VWA8: variants seen among roughly 807,000 people sequenced by gnomAD.
The protein encoded by VWA8 is von Willebrand factor A domain-containing protein 8.
Under a neutral mutation model 241.5 loss-of-function variants are expected in VWA8, and 221 were observed. The ratio of observed to expected loss-of-function variants is 0.91; its 90% CI spans 0.82 to 1.02. VWA8 has a LOEUF of 1.02. VWA8 is among the 50% of genes least tolerant of loss of function. VWA8 has a pLI of 0.00. For synonymous variants in VWA8, 852 were observed against 827.1 expected, an observed-to-expected ratio of 1.03 and a Z score of -0.52; for missense variants, 2,322 against 2,328.7, an observed-to-expected ratio of 1.00 and a Z score of 0.06.
chr13:41,590,605 T>C (rs1593635597), intron 41 of VWA8, 35 bp downstream of exon 41: 2 of 1,611,892 alleles, frequency 1.2e-6, no homozygotes, highest in African/African-American at 2.7e-5. Context: ...GGCTAGACTA[T>C]GCAGAGCTGA....
chr13:41,590,861 C>A, intron 40 of VWA8, 96 bp from the exon 41 acceptor site: 1 of 1,492,720 alleles, frequency 6.7e-7, no homozygotes, highest in East Asian at 2.3e-5. Flanking sequence ...CACCTGGGAT[C>A]TTTTCAGTAA....
intron 35 of VWA8, among the ~76,000 whole-genome samples, chr13:41,680,058 T>C (rs1217453037): frequency 6.6e-6 from 1 of 151,984 alleles, no homozygotes; most frequent in Non-Finnish European, 1.5e-5. Flanking sequence ...CCCCCAAACA[T>C]TCATATAATT....
chr13:41,943,262 C>A (rs1016614220), intron 2 of VWA8, among the ~76,000 whole-genome samples: 3 of 152,032 alleles, frequency 2.0e-5, no homozygotes, highest in African/African-American at 7.2e-5. Context: ...TTTCCAGTAT[C>A]AAGAACAAAA....
At chr13:41,730,535 G>A (rs909395866) in intron 22 of VWA8, among the ~76,000 whole-genome samples, 2 of 152,088 alleles carry the variant, frequency 1.3e-5, no homozygotes, top group Admixed American at 6.6e-5. Context: ...TGAAGGTTTT[G>A]TAGGGACAGA....
rs1593752601 is a variant in VWA8, at chr13:41,761,143, T to C, written c.2411A>G (p.Tyr804Cys). Residue 804 changes from tyrosine (Y) to cysteine (C), a missense_variant, in exon 21 of 45, where the codon TAT becomes TGT. By Grantham distance (194) the Tyr-to-Cys change is radical. Coordinates refer to ENST00000379310, the MANE Select transcript of VWA8 (RefSeq NM_015058.2). ...ATAGTCTTACCTGTGTAGCTGAATA[T>C]ATTCTCGGGGTCTGTTGAGCAGGTG... Reference protein sequence around the residue: ...FLHLLNRPREYIQLHRDTTVQ... With the variant: ...FLHLLNRPRECIQLHRDTTVQ... 1 of 1,611,770 alleles carries C rather than the reference T, an allele frequency of 6.2e-7. No homozygotes were observed. Among genetic ancestry groups the C allele is most frequent in the African/African-American group, 1.3e-5 (1 of 74,890 alleles).
chr13:41,805,829 A>T (rs751107663), intron 17 of VWA8, among the ~76,000 whole-genome samples: 1 of 152,020 alleles, frequency 6.6e-6, no homozygotes, highest in Non-Finnish European at 1.5e-5. Flanking sequence ...AAAAAGAAAA[A>T]GAAAAAAAGA....
At chr13:41,865,511 G>C in intron 12 of VWA8, 2 of 440,562 alleles carry the variant, frequency 4.5e-6, no homozygotes, top group Non-Finnish European at 4.0e-6. Context: ...AAATATCTTT[G>C]AAAAACAGCC....
chr13:41,765,949 T>C (rs952618711), intron 20 of VWA8, among the ~76,000 whole-genome samples: 6 of 152,200 alleles, frequency 3.9e-5, no homozygotes, highest in African/African-American at 1.4e-4. Flanking sequence ...ATTACTGTTC[T>C]GCTGGACTGT....
intron 9 of VWA8, among the ~76,000 whole-genome samples, chr13:41,877,541 T>C (rs927310206): frequency 6.6e-6 from 1 of 152,122 alleles, no homozygotes; most frequent in African/African-American, 2.4e-5. Context: ...TGCATATAAT[T>C]TGCCAAAAAA....
At chr13:41,898,760 G>A (rs1159783606) in intron 4 of VWA8, among the ~76,000 whole-genome samples, 1 of 152,114 alleles carries the variant, frequency 6.6e-6, no homozygotes, top group African/African-American at 2.4e-5. Flanking sequence ...GAAATCGAGC[G>A]CAGCGCCGGT....
At chr13:41,718,276 T>G (rs1317853498) in intron 26 of VWA8, among the ~76,000 whole-genome samples, 1 of 151,898 alleles carries the variant, frequency 6.6e-6, no homozygotes, top group Non-Finnish European at 1.5e-5. Context: ...TAACTTAAGT[T>G]TGCATATTAA....
chr13:41,605,292 T>C lies in VWA8; in HGVS notation c.4878-16A>G, dbSNP rs376967279. On this transcript the variant is annotated splice_polypyrimidine_tract_variant and intron_variant, in intron 39 of 44. Transcript: ENST00000379310. Reference sequence around the variant, plus strand: ...CTCCTTTAGCCTGAAATCAGAAGAGTATAAAAAGTTAACAGCTTAAATCAC... The same window carrying C: ...CTCCTTTAGCCTGAAATCAGAAGAGCATAAAAAGTTAACAGCTTAAATCAC... 7.6e-5 allele frequency: 123 copies of C among 1,610,864 alleles called. No individual in the cohort carries two copies. In the African/African-American group the frequency reaches 8.7e-4, roughly 11 times the overall value.
At chr13:41,620,511 G>C (rs1218247356) in intron 37 of VWA8, among the ~76,000 whole-genome samples, 12 of 152,054 alleles carry the variant, frequency 7.9e-5, no homozygotes, top group Admixed American at 7.9e-4. Context: ...CCTTCTGCTA[G>C]CTTTTGAATT....
chr13:41,840,809 T>C (rs1871964595), intron 12 of VWA8, among the ~76,000 whole-genome samples: 1 of 149,696 alleles, frequency 6.7e-6, no homozygotes, highest in South Asian at 2.1e-4. Context: ...CAACACCAAA[T>C]CAGAAGCAGC....
At chr13:41,726,494 A>C (rs1216634375) in intron 24 of VWA8, among the ~76,000 whole-genome samples, 1 of 152,210 alleles carries the variant, frequency 6.6e-6, no homozygotes, top group Non-Finnish European at 1.5e-5. Context: ...AATCAATGTG[A>C]ATCAGTCTCC....
At chr13:41,742,954 T>G (rs1299087810) in intron 21 of VWA8, among the ~76,000 whole-genome samples, 3 of 152,198 alleles carry the variant, frequency 2.0e-5, no homozygotes, top group Non-Finnish European at 4.4e-5. Flanking sequence ...CTAAGATATT[T>G]TCTTAGAGGA....
chr13:41,914,682 A>G (rs1876170895), intron 2 of VWA8, among the ~76,000 whole-genome samples: 1 of 152,120 alleles, frequency 6.6e-6, no homozygotes, highest in African/African-American at 2.4e-5. Flanking sequence ...TTTTCTTTAC[A>G]TTTTCATAAA....
intron 39 of VWA8, among the ~76,000 whole-genome samples, chr13:41,606,027 C>A (rs2139657065): frequency 6.6e-6 from 1 of 152,210 alleles, no homozygotes; most frequent in African/African-American, 2.4e-5. Context: ...GAGTGTCCCT[C>A]CCCTGACTTT....
chr13:41,748,453 A>G (rs998333855), intron 21 of VWA8, among the ~76,000 whole-genome samples: 1 of 152,062 alleles, frequency 6.6e-6, no homozygotes, highest in Non-Finnish European at 1.5e-5. Flanking sequence ...TATCCCCTTT[A>G]TCATTTTTTA....
Sources: allele counts gnomAD v4.1 joint callset (sites outside exome capture counted in the v4.1 genomes callset), GRCh38; gene constraint gnomAD v4.1.1; transcripts MANE v1.5; gene names NCBI Gene and HGNC (gene_info 2026-07-23, HGNC 2026-07-21).